KAT6A: variants seen among roughly 807,000 people sequenced by gnomAD.
KAT6A encodes lysine acetyltransferase 6A.
In KAT6A, 9 loss-of-function variants were observed where a neutral mutation model predicts 198.4. The observed-to-expected ratio is 0.05, with a 90% CI of 0.03 to 0.08. The LOEUF (loss-of-function observed/expected upper bound fraction) is 0.08, where lower values mean the gene tolerates loss of function less well. Among genes scored for constraint, KAT6A ranks in the 10% least tolerant of loss-of-function variants. The pLI, the probability that KAT6A is intolerant of heterozygous loss-of-function variation, is 1.00. For synonymous variants in KAT6A, 890 were observed against 883.0 expected (o/e 1.01, Z -0.14); for missense variants, 2,077 against 2,509.9 (o/e 0.83, Z 3.69).
chr8:41,947,954 T>G, intron 10 of KAT6A, 42 bp from the exon 11 acceptor site: 2 of 1,467,296 alleles, frequency 1.4e-6, no homozygotes, highest in Non-Finnish European at 1.8e-6. Flanking sequence ...AGAGGGTCTC[T>G]TTAGTTCTAG....
rs902296412 is a variant in KAT6A at position 41,931,468 on chromosome 8, AAAG to A, written c.*734_*736del. ...GAGTGCTGAGTGGGAATATTTTAAA[AAAG>A]AAGAAAAAAATTATATTACACTTGA... On this transcript the variant is annotated 3_prime_UTR_variant, in exon 17 of 17. Coordinates refer to ENST00000265713, the MANE Select transcript of KAT6A (RefSeq NM_006766.5). 52 of 206,658 alleles carry A rather than the reference AAAG, an allele frequency of 2.5e-4. No individual in the cohort carries two copies. The highest frequency in any genetic ancestry group is 1.1e-3 in the African/African-American group (47 of 43,912). The allele number at this position is 206,658 out of a possible 1,614,324, so 12.8% of individuals were successfully genotyped here. A position where few individuals can be genotyped will look rare whatever the true frequency, so the allele number is the denominator to read the frequency against.
At chr8:42,044,153 T>G (rs1488549816) in intron 2 of KAT6A, among the ~76,000 whole-genome samples, 3 of 145,468 alleles carry the variant, frequency 2.1e-5, no homozygotes, top group Non-Finnish European at 4.5e-5. Flanking sequence ...CAGGCTGGAG[T>G]GCAGTGGCAC....
chr8:41,964,234 A>G (rs1199443664), intron 8 of KAT6A, among the ~76,000 whole-genome samples: 1 of 152,148 alleles, frequency 6.6e-6, no homozygotes, highest in African/African-American at 2.4e-5. Flanking sequence ...CCATTTCTTC[A>G]TTTGTAAGAT....
At chr8:42,006,473 T>C (rs1825754491) in intron 2 of KAT6A, among the ~76,000 whole-genome samples, 1 of 152,180 alleles carries the variant, frequency 6.6e-6, no homozygotes, top group Non-Finnish European at 1.5e-5. Context: ...ACAAGAAGTG[T>C]TTCAGATTTC....
At chr8:41,938,738 G>C (rs1239652003) in intron 15 of KAT6A, among the ~76,000 whole-genome samples, 1 of 152,102 alleles carries the variant, frequency 6.6e-6, no homozygotes, top group Non-Finnish European at 1.5e-5. Flanking sequence ...CCAAGCTCAG[G>C]AGTTCAAGAC....
At chr8:41,991,394 AT>A (rs560683362) in intron 2 of KAT6A, among the ~76,000 whole-genome samples, 3 of 152,162 alleles carry the variant, frequency 2.0e-5, no homozygotes, top group African/African-American at 7.2e-5. Context: ...CATCCTGTAC[AT>A]TTTTTTAATG....
At chr8:42,025,700 C>T (rs188436244) in intron 2 of KAT6A, among the ~76,000 whole-genome samples, 91 of 152,318 alleles carry the variant, frequency 6.0e-4, no homozygotes, top group African/African-American at 2.2e-3. Context: ...TCCCAATCTA[C>T]AGGTTGTCTC....
At chr8:41,988,150 T>A (rs1184127871) in intron 2 of KAT6A, among the ~76,000 whole-genome samples, 3 of 152,206 alleles carry the variant, frequency 2.0e-5, no homozygotes, top group African/African-American at 7.2e-5. Context: ...TAACAAATGT[T>A]AAGAGTGGTT....
At chr8:41,975,102 GA>G (rs1823984304) in intron 7 of KAT6A, among the ~76,000 whole-genome samples, 1 of 152,038 alleles carries the variant, frequency 6.6e-6, no homozygotes, top group African/African-American at 2.4e-5. Context: ...AAGGCAGACA[GA>G]AAAATGATAT....
chr8:41,988,140 T>C (rs894069425), intron 2 of KAT6A, among the ~76,000 whole-genome samples: 2 of 152,350 alleles, frequency 1.3e-5, no homozygotes, highest in East Asian at 3.9e-4. Context: ...GGACAGTAGC[T>C]AACAAATGTT....
At chr8:42,043,803 A>T (rs1474971897) in intron 2 of KAT6A, among the ~76,000 whole-genome samples, 1 of 152,178 alleles carries the variant, frequency 6.6e-6, no homozygotes, top group Non-Finnish European at 1.5e-5. Context: ...TTCAAATCCC[A>T]GCTCTGCCAC....
At chr8:42,003,601 T>C (rs925532804) in intron 2 of KAT6A, among the ~76,000 whole-genome samples, 1 of 152,100 alleles carries the variant, frequency 6.6e-6, no homozygotes, top group Non-Finnish European at 1.5e-5. Context: ...AAGTATCTAG[T>C]GTGGATTCTA....
chr8:41,967,622 G>A (rs1432028335), intron 8 of KAT6A, among the ~76,000 whole-genome samples: 1 of 152,020 alleles, frequency 6.6e-6, no homozygotes, highest in Non-Finnish European at 1.5e-5. Flanking sequence ...CAAAGGACAT[G>A]AACTCATCAT....
chr8:41,986,393 T>A (rs1484573705), intron 3 of KAT6A, among the ~76,000 whole-genome samples: 1 of 152,116 alleles, frequency 6.6e-6, no homozygotes, highest in African/African-American at 2.4e-5. Context: ...TAAGTTTCCA[T>A]CAAGAAAAAC....
At chr8:42,014,001 G>C (rs1052425366) in intron 2 of KAT6A, among the ~76,000 whole-genome samples, 1 of 152,122 alleles carries the variant, frequency 6.6e-6, no homozygotes, top group Non-Finnish European at 1.5e-5. Flanking sequence ...ACACAGAAAC[G>C]AAAACAAGTG....
At chr8:42,035,198 G>C (rs1827310402) in intron 2 of KAT6A, among the ~76,000 whole-genome samples, 1 of 152,168 alleles carries the variant, frequency 6.6e-6, no homozygotes, top group Admixed American at 6.5e-5. Flanking sequence ...GAATCCAAAA[G>C]ACAGACAAGT....
rs1437795138 is a variant in KAT6A, at chr8:41,934,368, C to T, written c.3852G>A (p.Arg1284=). 1.1e-5 allele frequency: 18 copies of T among 1,613,896 alleles called. No homozygotes were observed. Among genetic ancestry groups the T allele is most frequent in the Admixed American group, 6.7e-5 (4 of 59,994 alleles). The part of the protein sequence containing the change: ...EEKPRVSEEQ[R]QSEEEQQELE... Reference sequence around the variant, plus strand: ...ATTCCTGCTGCTCCTCCTCTGACTGCCTCTGCTCCTCTGAGACACGGGGCT... The same window carrying T: ...ATTCCTGCTGCTCCTCCTCTGACTGTCTCTGCTCCTCTGAGACACGGGGCT... Residue 1284 remains arginine, a synonymous_variant, in exon 17 of 17, where the codon AGG becomes AGA. Transcript: ENST00000265713.
chr8:41,951,027 A>C (rs1037456116), intron 9 of KAT6A, among the ~76,000 whole-genome samples: 3 of 152,152 alleles, frequency 2.0e-5, no homozygotes, highest in African/African-American at 7.2e-5. Flanking sequence ...AAATGTTTAA[A>C]GCTCTTACAG....
chr8:41,978,528 T>C (rs1201342297), intron 6 of KAT6A, 114 bp downstream of exon 6: 13 of 1,041,152 alleles, frequency 1.2e-5, no homozygotes, highest in Middle Eastern at 2.1e-4. Context: ...TATTATTATA[T>C]AAAAGTGCCA....
Sources: allele counts gnomAD v4.1 joint callset (sites outside exome capture counted in the v4.1 genomes callset), GRCh38; gene constraint gnomAD v4.1.1; transcripts MANE v1.5; gene names NCBI Gene and HGNC (gene_info 2026-07-23, HGNC 2026-07-21).